The following PPP6C variants were observed in gnomAD, a reference collection of about 807,000 sequenced individuals.
The protein encoded by PPP6C is serine/threonine-protein phosphatase 6 catalytic subunit.
A neutral mutation model predicts 39.8 loss-of-function variants in PPP6C; 11 were observed. The ratio of observed to expected loss-of-function variants is 0.28; its 90% CI spans 0.17 to 0.46. The LOEUF is 0.46. Ranked by LOEUF, PPP6C falls within the 20% of genes least tolerant of loss-of-function variation. PPP6C has a pLI of 1.00. For synonymous variants in PPP6C, 129 were observed against 130.3 expected (o/e 0.99, Z 0.07); for missense variants, 211 against 373.9 (o/e 0.56, Z 3.59).
intron 2 of PPP6C, among the ~76,000 whole-genome samples, chr9:125,169,642 G>A (rs367750507): frequency 1.3e-5 from 2 of 152,002 alleles, no homozygotes; most frequent in Non-Finnish European, 2.9e-5. Context: ...AACATGACTT[G>A]GTTTATTCCA....
intron 2 of PPP6C, 114 bp from the exon 3 acceptor site, chr9:125,161,020 T>C (rs1828862822): frequency 1.7e-6 from 1 of 602,930 alleles, no homozygotes; most frequent in South Asian, 3.1e-5. Context: ...ATATTTACAT[T>C]TTTAAGAAAT....
intron 1 of PPP6C, among the ~76,000 whole-genome samples, chr9:125,183,705 C>T (rs989393090): frequency 6.6e-6 from 1 of 152,122 alleles, no homozygotes; most frequent in Non-Finnish European, 1.5e-5. Flanking sequence ...GGTGTTTATT[C>T]TGTTTGCATG....
In PPP6C at chr9:125,189,766, G is replaced by C. The variant is rs776599357; in HGVS notation, c.-48C>G. 1.3e-5 allele frequency: 20 copies of C among 1,544,112 alleles called. No homozygotes were observed. The highest frequency in any genetic ancestry group is 2.4e-5 in the South Asian group (2 of 85,056). On this transcript the variant is annotated 5_prime_UTR_variant, in exon 1 of 7. Transcript: ENST00000373547. ...AACAGCGGCGGCGGCGGCTGTAGCA[G>C]CGGCGGCGGCAGCGGCGGAGGCCGA...
chr9:125,155,522 G>A (rs371972020), intron 4 of PPP6C, among the ~76,000 whole-genome samples: 10 of 152,158 alleles, frequency 6.6e-5, no homozygotes, highest in African/African-American at 9.7e-5. Flanking sequence ...AGTGTGAACT[G>A]AAGTCCCAGT....
intron 4 of PPP6C, among the ~76,000 whole-genome samples, chr9:125,156,476 G>A (rs1186836906): frequency 1.3e-5 from 2 of 152,296 alleles, no homozygotes; most frequent in Admixed American, 1.3e-4. Flanking sequence ...GTTTCACCAT[G>A]TTGGCCAAGA....
At chr9:125,163,050 G>C (rs957235177) in intron 2 of PPP6C, among the ~76,000 whole-genome samples, 1 of 151,910 alleles carries the variant, frequency 6.6e-6, no homozygotes, top group Non-Finnish European at 1.5e-5. Flanking sequence ...CTGCATTCCA[G>C]CCTGGATGAC....
rs1426752528 is a variant in PPP6C at position 125,146,600 on chromosome 9, T to C, written c.*3073A>G. On this transcript the variant is annotated 3_prime_UTR_variant, in exon 7 of 7. Coordinates refer to ENST00000373547, the MANE Select transcript of PPP6C (RefSeq NM_002721.5). ...GAGGAATAAGCATTTTTTAATTTCT[T>C]ATATAAAATGCTAACTTCTTGTCAG... 2 of 152,176 alleles carry C rather than the reference T, an allele frequency of 1.3e-5. No homozygotes were observed. The highest frequency in any genetic ancestry group is 2.9e-5 in the Non-Finnish European group (2 of 68,030). The allele number at this position is 152,176 out of a possible 1,614,324, so 9.4% of individuals were successfully genotyped here.
intron 1 of PPP6C, among the ~76,000 whole-genome samples, chr9:125,171,466 CACACACACACACATATATATATATAT>C (rs1333990533): frequency 0.018 from 1,553 of 85,518 alleles, 29 homozygotes; most frequent in African/African-American, 0.053. Flanking sequence ...CATATACACA[CACACACACACACATATATATATATAT>C]ATATATATAT....
intron 2 of PPP6C, among the ~76,000 whole-genome samples, chr9:125,163,721 G>A (rs1828942346): frequency 6.6e-6 from 1 of 151,878 alleles, no homozygotes; most frequent in Non-Finnish European, 1.5e-5. Flanking sequence ...GAGCCACTAC[G>A]CCTGGCCAGA....
Position 125,171,103 on chromosome 9 carries a change from A to G in PPP6C, c.153T>C (p.Cys51=), listed in dbSNP as rs754687851. 1.9e-6 allele frequency: 3 copies of G among 1,593,932 alleles called. No homozygotes were observed. Among genetic ancestry groups the G allele is most frequent in the South Asian group, 2.3e-5 (2 of 88,832 alleles). Residue 51 remains cysteine, a synonymous_variant, in exon 2 of 7, where the codon TGT becomes TGC. Transcript: ENST00000373547. The part of the protein sequence containing the change: ...VQPVSTPVTV[C]GDIHGQFYDL... ...ATTTTACCTGTCCATGGATATCTCC[A>G]CACACTGTTACTGGTGTTGATACTG...
rs1157279999 is a variant in PPP6C, at chr9:125,149,355, A to G, written c.*318T>C. 4.5e-6 allele frequency: 1 copy of G among 221,346 alleles called. No individual in the cohort carries two copies. Among genetic ancestry groups the G allele is most frequent in the Admixed American group, 5.3e-5 (1 of 18,722 alleles). 13.7% of individuals were successfully genotyped at this position (221,346 alleles called of 1,614,324 possible). On this transcript the variant is annotated 3_prime_UTR_variant, in exon 7 of 7. Coordinates refer to ENST00000373547, the MANE Select transcript of PPP6C (RefSeq NM_002721.5). ...GTGTAATCTGTCAATTGGCTTTTAA[A>G]AAAAGGAAACACATCCTGTTTCCCA...
At chr9:125,178,473 C>T (rs749265163) in intron 1 of PPP6C, among the ~76,000 whole-genome samples, 1 of 152,082 alleles carries the variant, frequency 6.6e-6, no homozygotes, top group Admixed American at 6.5e-5. Flanking sequence ...GTCTTTTGTC[C>T]ATTTTTTTGG....
Position 125,189,705 on chromosome 9 carries a change from T to C in PPP6C, c.14A>G (p.Asp5Gly). 6.3e-7 allele frequency: 1 copy of C among 1,595,348 alleles called. No homozygotes were observed. The highest frequency in any genetic ancestry group is 8.5e-7 in the Non-Finnish European group (1 of 1,173,618). MAPL[D>G]LDKYVEIARL... is the part of the protein sequence containing the mutation. The stretch of plus-strand genomic sequence containing the variant: ...CGCTATTTCCACATACTTGTCCAGG[T>C]CTAGCGGCGCCATTTTAAGAATAAC... Residue 5 changes from aspartate to glycine, a missense_variant, in exon 1 of 7, where the codon GAC (aspartate) becomes GGC (glycine). Asp to Gly is a moderately conservative substitution (Grantham distance 94). Coordinates refer to ENST00000373547, the MANE Select transcript of PPP6C (RefSeq NM_002721.5).
intron 2 of PPP6C, among the ~76,000 whole-genome samples, chr9:125,167,989 A>G (rs1254561608): frequency 6.6e-6 from 1 of 152,150 alleles, no homozygotes; most frequent in Non-Finnish European, 1.5e-5. Context: ...TAAAGGATTG[A>G]GAGTTAAGTG....
intron 6 of PPP6C, chr9:125,151,482 A>ACCGTT (rs1186248003): frequency 2.5e-6 from 2 of 795,428 alleles, no homozygotes; most frequent in African/African-American, 3.4e-5. Flanking sequence ...AAGATGAAGC[A>ACCGTT]CCATTCCAAA....
chr9:125,160,967 A>C, intron 2 of PPP6C, 61 bp from the exon 3 acceptor site: 2 of 1,194,372 alleles, frequency 1.7e-6, no homozygotes, highest in Non-Finnish European at 2.4e-6. Context: ...AAGCAACAAA[A>C]CTGAGAGTGA....
intron 2 of PPP6C, among the ~76,000 whole-genome samples, chr9:125,165,032 C>T (rs943545075): frequency 6.6e-6 from 1 of 152,020 alleles, no homozygotes; most frequent in Non-Finnish European, 1.5e-5. Flanking sequence ...CCACCGCGCC[C>T]GGCTGGGAAG....
intron 2 of PPP6C, among the ~76,000 whole-genome samples, chr9:125,166,991 C>G (rs150592934): frequency 1.3e-5 from 2 of 152,154 alleles, no homozygotes; most frequent in African/African-American, 4.8e-5. Flanking sequence ...CCTCAAACTC[C>G]TGGGCTCAAG....
rs1002965392 is a variant in PPP6C, at chr9:125,159,793, G to C, written c.237+1048C>G. On this transcript the variant is annotated intron_variant, in intron 3 of 6. Coordinates refer to ENST00000373547, the MANE Select transcript of PPP6C (RefSeq NM_002721.5). The stretch of plus-strand genomic sequence containing the variant: ...TTGGGAGGCCAAGGCAGGGGCCGAG[G>C]TGGGCGGATCACGAGTTCAAGAGAT... Among the ~76,000 whole-genome samples, 137 of 152,296 alleles carry C rather than the reference G, an allele frequency of 9.0e-4. 1 individual carries two copies. The highest frequency in any genetic ancestry group is 2.9e-3 in the African/African-American group (122 of 41,566).
Sources: gnomAD v4.1 joint callset for allele counts (sites outside exome capture counted in the v4.1 genomes callset) on GRCh38, gnomAD v4.1.1 for gene constraint, MANE v1.5 for transcripts, NCBI Gene and HGNC (gene_info 2026-07-23, HGNC 2026-07-21) for gene names.